Variants in DAPK1 observed in about 807,000 individuals in gnomAD.
The protein encoded by DAPK1 is death-associated protein kinase 1.
A neutral mutation model predicts 144.9 loss-of-function variants in DAPK1; 56 were observed. That is an observed-to-expected ratio of 0.39 (90% CI 0.31 to 0.48). The LOEUF is 0.48. Among genes scored for constraint, DAPK1 ranks in the 20% least tolerant of loss-of-function variants. The pLI, the probability that DAPK1 is intolerant of heterozygous loss-of-function variation, is 0.95. For missense variants in DAPK1, 1,454 were observed against 1,875.4 expected (o/e 0.78, Z 4.15); for synonymous variants, 690 against 749.0 (o/e 0.92, Z 1.29).
At chr9:87,539,709 G>A (rs553207595) in intron 2 of DAPK1, among the ~76,000 whole-genome samples, 1 of 152,050 alleles carries the variant, frequency 6.6e-6, no homozygotes, top group African/African-American at 2.4e-5. Context: ...TAAGCCACTG[G>A]GCCCAGCCAA....
intron 24 of DAPK1, among the ~76,000 whole-genome samples, chr9:87,700,783 G>A (rs988873387): frequency 6.6e-6 from 1 of 152,126 alleles, no homozygotes; most frequent in Non-Finnish European, 1.5e-5. Context: ...TTACAGGTGT[G>A]AGCCACCATG....
At chr9:87,621,045 C>T (rs1407040162) in intron 3 of DAPK1, among the ~76,000 whole-genome samples, 1 of 152,196 alleles carries the variant, frequency 6.6e-6, no homozygotes, top group African/African-American at 2.4e-5. Context: ...TTCTTTAGTT[C>T]CAGCCCGGGA....
intron 18 of DAPK1, among the ~76,000 whole-genome samples, chr9:87,665,522 A>G (rs1831020114): frequency 6.6e-6 from 1 of 152,196 alleles, no homozygotes; most frequent in African/African-American, 2.4e-5. Flanking sequence ...GGATACACAA[A>G]TAGGTTTCCC....
At chr9:87,668,739 T>C in intron 19 of DAPK1, 65 bp downstream of exon 19, 1 of 879,020 alleles carries the variant, frequency 1.1e-6, no homozygotes, top group Non-Finnish European at 2.0e-6. Flanking sequence ...TCTCAGTCTT[T>C]TTCCTTATTT....
chr9:87,524,886 G>C (rs1458038223), intron 2 of DAPK1, among the ~76,000 whole-genome samples: 1 of 152,182 alleles, frequency 6.6e-6, no homozygotes, highest in African/African-American at 2.4e-5. Context: ...TGGGGACTTA[G>C]AGGGAAAGGG....
chr9:87,646,037 A>T, intron 12 of DAPK1, 23 bp downstream of exon 12: 1 of 1,609,116 alleles, frequency 6.2e-7, no homozygotes, highest in Non-Finnish European at 8.5e-7. Context: ...TCTGCCGCAT[A>T]CTGGAGGGGT....
intron 20 of DAPK1, 74 bp downstream of exon 20, chr9:87,681,700 G>A: frequency 1.2e-6 from 1 of 801,788 alleles, no homozygotes. Context: ...AAGGTCTAGG[G>A]GGGAAGGGAG....
chr9:87,663,053 C>A (rs907122261), intron 18 of DAPK1, among the ~76,000 whole-genome samples: 2 of 151,986 alleles, frequency 1.3e-5, no homozygotes, highest in Non-Finnish European at 2.9e-5. Flanking sequence ...TCAGAACCAC[C>A]CTTGACCACC....
At chr9:87,561,530 G>GAA (rs58732772) in intron 2 of DAPK1, among the ~76,000 whole-genome samples, 35,247 of 149,680 alleles carry the variant, frequency 0.24, 4,583 homozygotes, top group Non-Finnish European at 0.31. Context: ...CGTCTCAAAA[G>GAA]AAAAAAAAAA....
chr9:87,560,165 A>AT lies in DAPK1; in HGVS notation c.63-44779dup, dbSNP rs35103434. 1.8e-3 allele frequency among the ~76,000 whole-genome samples: 267 copies of AT among 148,282 alleles called. 1 individual carries two copies. Among genetic ancestry groups the AT allele is most frequent in the East Asian group, 6.0e-3 (30 of 4,964 alleles). Reference sequence around the variant, plus strand: ...GCCACCACGCCTGGCTAATTTTTGTATTTTTTTTTTAGTAGAGACGGGGTT... The same window carrying AT: ...GCCACCACGCCTGGCTAATTTTTGTATTTTTTTTTTTAGTAGAGACGGGGTT... On this transcript the variant is annotated intron_variant, in intron 2 of 25. Coordinates refer to ENST00000408954, the MANE Select transcript of DAPK1 (RefSeq NM_004938.4).
In DAPK1 at chr9:87,517,025, A is replaced by G. The variant is rs566859541; in HGVS notation, c.62+17886A>G. On this transcript the variant is annotated intron_variant, in intron 2 of 25. Transcript: ENST00000408954. ...GCCACTTCAGGGAAGAAACATCACA[A>G]CCTCTCTCTTCCTGCCCCCATAGTC... 1.3e-4 allele frequency among the ~76,000 whole-genome samples: 20 copies of G among 151,698 alleles called. No homozygotes were observed. The South Asian group carries it at 3.6e-3, about 27-fold the overall frequency.
intron 14 of DAPK1, among the ~76,000 whole-genome samples, chr9:87,647,701 G>T (rs535297395): frequency 2.0e-5 from 3 of 152,296 alleles, no homozygotes; most frequent in South Asian, 4.1e-4. Context: ...CCTCGGTCTC[G>T]ATTCGATTTT....
At chr9:87,501,827 C>T (rs1425365901) in intron 2 of DAPK1, among the ~76,000 whole-genome samples, 1 of 152,212 alleles carries the variant, frequency 6.6e-6, no homozygotes, top group East Asian at 1.9e-4. Flanking sequence ...AGCAGTCCAT[C>T]TGCAGCAGTA....
At chr9:87,632,619 G>A (rs1025274660) in intron 3 of DAPK1, 146 of 981,440 alleles carry the variant, frequency 1.5e-4, no homozygotes, top group Non-Finnish European at 1.7e-4. Context: ...AATGAAGGGT[G>A]ATCAGTATAT....
chr9:87,518,112 T>TG (rs1444868781), intron 2 of DAPK1, among the ~76,000 whole-genome samples: 8 of 143,102 alleles, frequency 5.6e-5, no homozygotes, highest in East Asian at 2.4e-4. Flanking sequence ...GTTGTTTTTT[T>TG]TTTTTTTTTT....
At chr9:87,666,015 C>T (rs878967128) in intron 18 of DAPK1, among the ~76,000 whole-genome samples, 99 of 152,146 alleles carry the variant, frequency 6.5e-4, no homozygotes, top group African/African-American at 2.1e-3. Flanking sequence ...TTGCAGCCTC[C>T]GTCGGGGTGT....
intron 11 of DAPK1, among the ~76,000 whole-genome samples, chr9:87,645,376 T>C (rs544536339): frequency 6.6e-6 from 1 of 152,288 alleles, no homozygotes; most frequent in East Asian, 1.9e-4. Flanking sequence ...CTTTCAGAGA[T>C]TTTTGCCGTG....
Position 87,700,048 on chromosome 9 carries a change from C to T in DAPK1, c.2751-69C>T. The stretch of plus-strand genomic sequence containing the variant: ...TACCAGCCTCTTGAGCCAGTAGGAG[C>T]CTGGCCCCTCCATTAAAAGGCCTGG... On this transcript the variant is annotated intron_variant, in intron 23 of 25. Transcript: ENST00000408954. The T allele has an allele frequency of 5.2e-6, 7 of 1,355,390 alleles. No individual in the cohort carries two copies. In the East Asian group the frequency reaches 6.9e-5, roughly 13 times the overall value. The allele number at this position is 1,355,390 out of a possible 1,614,324, so 84.0% of individuals were successfully genotyped here.
At chr9:87,541,114 T>C (rs188492133) in intron 2 of DAPK1, among the ~76,000 whole-genome samples, 6 of 152,350 alleles carry the variant, frequency 3.9e-5, no homozygotes, top group Admixed American at 3.9e-4. Flanking sequence ...AATACAAAAT[T>C]GCAACATTCA....
Sources: allele counts gnomAD v4.1 joint callset (sites outside exome capture counted in the v4.1 genomes callset), GRCh38; gene constraint gnomAD v4.1.1; transcripts MANE v1.5; gene names NCBI Gene and HGNC (gene_info 2026-07-23, HGNC 2026-07-21).